ROBO1: variants seen among roughly 807,000 people sequenced by gnomAD.
ROBO1 encodes roundabout homolog 1.
Under a neutral mutation model 195.9 loss-of-function variants are expected in ROBO1, and 149 were observed. The ratio of observed to expected loss-of-function variants is 0.76; its 90% CI spans 0.67 to 0.87. ROBO1 has a LOEUF of 0.87. Among genes scored for constraint, ROBO1 ranks in the 40% least tolerant of loss-of-function variants. The pLI, the probability that ROBO1 is intolerant of heterozygous loss-of-function variation, is 0.00. For synonymous variants in ROBO1, 816 were observed against 733.2 expected, an observed-to-expected ratio of 1.11 and a Z score of -1.82; for missense variants, 1,933 against 2,068.3, an observed-to-expected ratio of 0.93 and a Z score of 1.27.
At chr3:78,970,231 C>T (rs915897183) in intron 3 of ROBO1, among the ~76,000 whole-genome samples, 1 of 152,236 alleles carries the variant, frequency 6.6e-6, no homozygotes, top group African/African-American at 2.4e-5. Flanking sequence ...ACTGATGATT[C>T]TGTAGGACTG....
chr3:79,007,001 A>G (rs2108177234), intron 3 of ROBO1, among the ~76,000 whole-genome samples: 1 of 152,326 alleles, frequency 6.6e-6, no homozygotes, highest in African/African-American at 2.4e-5. Context: ...TTTTAAATAA[A>G]CAGGAAGGTA....
At chr3:78,700,126 C>G (rs2081387202) in intron 8 of ROBO1, among the ~76,000 whole-genome samples, 1 of 152,166 alleles carries the variant, frequency 6.6e-6, no homozygotes, top group South Asian at 2.1e-4. Context: ...CTGCTACTCA[C>G]ATTTTAAATA....
At chr3:79,005,007 A>G (rs181875883) in intron 3 of ROBO1, among the ~76,000 whole-genome samples, 1 of 152,334 alleles carries the variant, frequency 6.6e-6, no homozygotes, top group East Asian at 1.9e-4. Context: ...TGCAGTTATC[A>G]TCTATAGAAA....
intron 3 of ROBO1, among the ~76,000 whole-genome samples, chr3:79,056,873 T>C (rs1276409142): frequency 5.3e-5 from 8 of 152,126 alleles, no homozygotes; most frequent in Non-Finnish European, 1.5e-5. Flanking sequence ...AAACTCTGTC[T>C]GTTTATCTGG....
chr3:78,711,364 TTCCTTCCTTCCTTC>T (rs2081708433), intron 8 of ROBO1, among the ~76,000 whole-genome samples: 27 of 39,670 alleles, frequency 6.8e-4, no homozygotes, highest in African/African-American at 2.8e-3. Flanking sequence ...CCTTCCTTCC[TTCCTTCCTTCCTTC>T]CTTCCTTCCT....
At chr3:78,734,270 C>T (rs747407617) in intron 5 of ROBO1, among the ~76,000 whole-genome samples, 3 of 151,874 alleles carry the variant, frequency 2.0e-5, no homozygotes, top group Non-Finnish European at 4.4e-5. Flanking sequence ...CTGAAACTAA[C>T]ATGTGAGTGG....
At chr3:79,202,808 A>T (rs1445630739) in intron 2 of ROBO1, among the ~76,000 whole-genome samples, 2 of 152,060 alleles carry the variant, frequency 1.3e-5, no homozygotes, top group Non-Finnish European at 2.9e-5. Flanking sequence ...TTAGTTCCTT[A>T]AGCCTTAATT....
At chr3:79,193,581 C>CTTTTTTT (rs869203963) in intron 2 of ROBO1, among the ~76,000 whole-genome samples, 152 of 85,596 alleles carry the variant, frequency 1.8e-3, no homozygotes, top group African/African-American at 2.6e-3. Flanking sequence ...TGTGGTTTTG[C>CTTTTTTT]TTTTTTTTTT....
intron 18 of ROBO1, among the ~76,000 whole-genome samples, chr3:78,653,976 A>C (rs957228476): frequency 6.6e-6 from 1 of 152,252 alleles, no homozygotes; most frequent in Non-Finnish European, 1.5e-5. Flanking sequence ...TTTAAGACCA[A>C]ACTAGAAAGA....
intron 3 of ROBO1, among the ~76,000 whole-genome samples, chr3:79,077,123 C>T (rs1475886966): frequency 1.3e-5 from 2 of 151,854 alleles, no homozygotes; most frequent in African/African-American, 4.8e-5. Context: ...TCATGCTGTA[C>T]GTGAGATATC....
chr3:79,214,791 C>T (rs957052796), intron 2 of ROBO1, among the ~76,000 whole-genome samples: 1 of 144,922 alleles, frequency 6.9e-6, no homozygotes, highest in African/African-American at 2.5e-5. Context: ...TATATATATA[C>T]ACCATACCAC....
At chr3:78,797,281 T>A (rs1197443910) in intron 4 of ROBO1, among the ~76,000 whole-genome samples, 1 of 152,244 alleles carries the variant, frequency 6.6e-6, no homozygotes, top group Non-Finnish European at 1.5e-5. Context: ...CTAATGCCAG[T>A]CACACTGTAA....
At chr3:79,047,224 A>C (rs557198715) in intron 3 of ROBO1, among the ~76,000 whole-genome samples, 1 of 152,278 alleles carries the variant, frequency 6.6e-6, no homozygotes, top group East Asian at 1.9e-4. Context: ...ACACTATTGC[A>C]GTAAGGTGGA....
intron 1 of ROBO1, among the ~76,000 whole-genome samples, chr3:79,664,089 A>T (rs1386912885): frequency 1.3e-5 from 2 of 152,034 alleles, no homozygotes; most frequent in Non-Finnish European, 2.9e-5. Context: ...AAATATTTTA[A>T]ATCACTTACC....
At chr3:79,239,515 A>G (rs2082473313) in intron 2 of ROBO1, among the ~76,000 whole-genome samples, 1 of 152,146 alleles carries the variant, frequency 6.6e-6, no homozygotes, top group South Asian at 2.1e-4. Context: ...ATAATTATAG[A>G]TTACATAGCT....
chr3:79,360,488 A>G (rs982451625), intron 2 of ROBO1, among the ~76,000 whole-genome samples: 1 of 152,016 alleles, frequency 6.6e-6, no homozygotes, highest in African/African-American at 2.4e-5. Flanking sequence ...ATATTGCAAA[A>G]ATACTACAAA....
chr3:78,903,666 T>A (rs1489380249), intron 4 of ROBO1, among the ~76,000 whole-genome samples: 1 of 152,146 alleles, frequency 6.6e-6, no homozygotes, highest in African/African-American at 2.4e-5. Context: ...TAAGTGTGGT[T>A]ATCTTTATTT....
chr3:79,224,471 C>T (rs1396965199), intron 2 of ROBO1, among the ~76,000 whole-genome samples: 1 of 152,116 alleles, frequency 6.6e-6, no homozygotes, highest in Non-Finnish European at 1.5e-5. Context: ...GGAGAATATT[C>T]AGTGGGCTAT....
intron 1 of ROBO1, among the ~76,000 whole-genome samples, chr3:79,672,199 C>T (rs898784037): frequency 6.6e-6 from 1 of 151,960 alleles, no homozygotes; most frequent in Non-Finnish European, 1.5e-5. Context: ...CATGCAGAGA[C>T]AGTAGGCCAA....
Sources: allele counts gnomAD v4.1 joint callset (sites outside exome capture counted in the v4.1 genomes callset), GRCh38; gene constraint gnomAD v4.1.1; transcripts MANE v1.5; gene names NCBI Gene and HGNC (gene_info 2026-07-23, HGNC 2026-07-21).